Variants in MCTP1 observed in about 807,000 individuals in gnomAD.
MCTP1 encodes the protein multiple C2 and transmembrane domain containing 1, also known as multiple C2 and transmembrane domain-containing protein 1.
A neutral mutation model predicts 120.6 loss-of-function variants in MCTP1; 69 were observed. That is an observed-to-expected ratio of 0.57 (90% CI 0.47 to 0.70). The LOEUF (loss-of-function observed/expected upper bound fraction) is 0.70. Ranked by LOEUF, MCTP1 falls within the 30% of genes least tolerant of loss-of-function variation. The pLI, the probability that MCTP1 is intolerant of heterozygous loss-of-function variation, is 0.00. For missense variants in MCTP1, 1,203 were observed against 1,248.8 expected (o/e 0.96, Z 0.55); for synonymous variants, 529 against 493.1 (o/e 1.07, Z -0.96).
In MCTP1 at chr5:94,953,233, G is replaced by C. The variant is rs1002641695; in HGVS notation, c.967C>G (p.Pro323Ala). 1 of 1,609,400 alleles carries C rather than the reference G, an allele frequency of 6.2e-7. No homozygotes were observed. ...AAATGGCTCACCTTTATATACAATG[G>C]CTCCCTAAGATGATCAACCAGAATA... The part of the protein sequence containing the change: ...ACILVDHLRE[P>A]LYIKVFDYDF... Residue 323 changes from proline to alanine, a missense_variant, in exon 3 of 23, where the codon CCA becomes GCA. Coordinates refer to ENST00000515393, the MANE Select transcript of MCTP1 (RefSeq NM_024717.7).
In MCTP1 at chr5:94,893,047, T is replaced by G. The variant is rs772095197; in HGVS notation, c.1839+1602A>C. On this transcript the variant is annotated intron_variant, in intron 11 of 22. Coordinates refer to ENST00000515393, the MANE Select transcript of MCTP1 (RefSeq NM_024717.7). ...GGCTGAAAAAAAGTATATTTAAACATAGTTCATTTTTGAATATATTGAGCA... is the reference window on the plus strand; with the variant it reads ...GGCTGAAAAAAAGTATATTTAAACAGAGTTCATTTTTGAATATATTGAGCA... Among the ~76,000 whole-genome samples the G allele has an allele frequency of 3.3e-5, 5 of 152,204 alleles. No homozygotes were observed. The South Asian group carries it at 1.0e-3, about 31-fold the overall frequency.
Position 95,149,308 on chromosome 5 carries a change from C to A in MCTP1, c.721-131824G>T, listed in dbSNP as rs76983244. Among the ~76,000 whole-genome samples the A allele has an allele frequency of 3.1e-3, 476 of 152,322 alleles. 1 individual carries two copies. Among genetic ancestry groups the A allele is most frequent in the African/African-American group, 0.011 (455 of 41,574 alleles). The stretch of plus-strand genomic sequence containing the variant: ...CCAACCAATGAACTCGGGTGTCTCA[C>A]CCCCTCAGTATTATAAGAGTAGGGG... On this transcript the variant is annotated intron_variant, in intron 1 of 22. Transcript: ENST00000515393.
chr5:94,924,427 C>T (rs1480755705), intron 6 of MCTP1, among the ~76,000 whole-genome samples: 2 of 152,096 alleles, frequency 1.3e-5, no homozygotes, highest in Admixed American at 1.3e-4. Context: ...TTGCAGAAGT[C>T]TTATTTATAA....
At chr5:94,721,200 T>A (rs938564275) in intron 19 of MCTP1, among the ~76,000 whole-genome samples, 44 of 152,152 alleles carry the variant, frequency 2.9e-4, no homozygotes, top group African/African-American at 1.1e-3. Context: ...TCCAGAAACT[T>A]GATTTGAAGG....
intron 19 of MCTP1, among the ~76,000 whole-genome samples, chr5:94,725,191 A>G (rs951914334): frequency 6.6e-6 from 1 of 152,230 alleles, no homozygotes; most frequent in Admixed American, 6.5e-5. Context: ...ACCTCATTTG[A>G]AAAGAAAAGA....
chr5:94,890,520 T>C (rs1036309329), intron 11 of MCTP1, among the ~76,000 whole-genome samples: 10 of 152,184 alleles, frequency 6.6e-5, no homozygotes, highest in East Asian at 1.9e-4. Context: ...GTAAAAGACA[T>C]ACACAATCTT....
At chr5:94,751,632 G>T (rs1029847527) in intron 19 of MCTP1, among the ~76,000 whole-genome samples, 9 of 152,064 alleles carry the variant, frequency 5.9e-5, no homozygotes, top group African/African-American at 2.2e-4. Context: ...TGCCCAGAAG[G>T]AATGCATAAA....
chr5:94,761,886 G>T (rs923529090), intron 19 of MCTP1, among the ~76,000 whole-genome samples: 3 of 152,182 alleles, frequency 2.0e-5, no homozygotes, highest in African/African-American at 4.8e-5. Context: ...GGCTTCCACT[G>T]GGTCTCTTGA....
At chr5:95,084,579 T>C (rs777589160) in intron 1 of MCTP1, among the ~76,000 whole-genome samples, 1 of 151,664 alleles carries the variant, frequency 6.6e-6, no homozygotes, top group African/African-American at 2.4e-5. Flanking sequence ...GCAATTTTAT[T>C]GGCTTTATAA....
chr5:95,129,692 C>T (rs1407366993), intron 1 of MCTP1, among the ~76,000 whole-genome samples: 1 of 151,568 alleles, frequency 6.6e-6, no homozygotes, highest in African/African-American at 2.4e-5. Context: ...CAAAGTCTCG[C>T]TCTGTCACCC....
chr5:94,809,132 G>A (rs1046892827), intron 17 of MCTP1, among the ~76,000 whole-genome samples: 1 of 151,958 alleles, frequency 6.6e-6, no homozygotes, highest in African/African-American at 2.4e-5. Flanking sequence ...GACCCAAACA[G>A]CCTTAAAGAT....
intron 17 of MCTP1, among the ~76,000 whole-genome samples, chr5:94,843,764 A>G (rs1403411359): frequency 6.6e-6 from 1 of 152,188 alleles, no homozygotes; most frequent in East Asian, 1.9e-4. Context: ...CAAGTAAGAG[A>G]TTGCTTTGAA....
chr5:94,827,137 T>C (rs1787321221), intron 17 of MCTP1, among the ~76,000 whole-genome samples: 1 of 152,206 alleles, frequency 6.6e-6, no homozygotes, highest in Non-Finnish European at 1.5e-5. Flanking sequence ...TAGTGCTTCC[T>C]TCAGGAGCTC....
chr5:94,980,914 G>A (rs1183301757), intron 2 of MCTP1: 1 of 151,852 alleles, frequency 6.6e-6, no homozygotes, highest in East Asian at 1.9e-4. Flanking sequence ...TATAGTCAAT[G>A]GTTATATAAG....
At chr5:94,721,144 C>G (rs1034756317) in intron 19 of MCTP1, among the ~76,000 whole-genome samples, 1 of 152,116 alleles carries the variant, frequency 6.6e-6, no homozygotes, top group Non-Finnish European at 1.5e-5. Context: ...CATAATCTAG[C>G]CTTGAGAATC....
At chr5:94,825,850 G>GTCTTT (rs1171029797) in intron 17 of MCTP1, 1 of 170,332 alleles carries the variant, frequency 5.9e-6, no homozygotes, top group Non-Finnish European at 1.2e-5. Context: ...GCCCTACTTT[G>GTCTTT]TCTTTTCGAT....
intron 1 of MCTP1, among the ~76,000 whole-genome samples, chr5:95,274,151 C>T (rs894793746): frequency 1.3e-5 from 2 of 152,188 alleles, no homozygotes; most frequent in African/African-American, 4.8e-5. Flanking sequence ...CTCACTACCC[C>T]TCTGCCCACA....
intron 1 of MCTP1, among the ~76,000 whole-genome samples, chr5:95,052,001 T>A (rs1305843357): frequency 6.6e-6 from 1 of 152,030 alleles, no homozygotes; most frequent in African/African-American, 2.4e-5. Flanking sequence ...TTCATCTATA[T>A]GATAAACCTG....
chr5:94,999,499 T>C (rs1298965346), intron 2 of MCTP1, among the ~76,000 whole-genome samples: 1 of 152,194 alleles, frequency 6.6e-6, no homozygotes, highest in Non-Finnish European at 1.5e-5. Flanking sequence ...GTGTATTGAT[T>C]GCCCTTGTCT....
Sources: gnomAD v4.1 joint callset for allele counts (sites outside exome capture counted in the v4.1 genomes callset) on GRCh38, gnomAD v4.1.1 for gene constraint, MANE v1.5 for transcripts, NCBI Gene and HGNC (gene_info 2026-07-23, HGNC 2026-07-21) for gene names.